The following SNAPC5 variants were observed in gnomAD, a reference collection of about 807,000 sequenced individuals.
SNAPC5 encodes the protein snRNA-activating protein complex subunit 5.
A neutral mutation model predicts 9.1 loss-of-function variants in SNAPC5; 12 were observed. That is an observed-to-expected ratio of 1.32 (90% CI 0.85 to 2.15). The LOEUF is 2.15. Ranked by LOEUF, SNAPC5 falls within the 30% of genes most tolerant of loss-of-function variation. SNAPC5 has a pLI of 0.00. For missense variants in SNAPC5, 132 were observed against 114.4 expected, an observed-to-expected ratio of 1.15 and a Z score of -0.70; for synonymous variants, 52 against 47.3, an observed-to-expected ratio of 1.10 and a Z score of -0.41.
downstream of SNAPC5, among the ~76,000 whole-genome samples, chr15:66,492,624 T>G (rs563153543): frequency 1.3e-5 from 2 of 152,192 alleles, no homozygotes; most frequent in South Asian, 4.1e-4. Context: ...AGAAATGTTA[T>G]AACCTGGTAT....
At chr15:66,492,949 T>C (rs1893304955), downstream of SNAPC5, among the ~76,000 whole-genome samples, 1 of 152,172 alleles carries the variant, frequency 6.6e-6, no homozygotes, top group South Asian at 2.1e-4. Context: ...AGTCAAGTTT[T>C]CCAGCTTTTA....
downstream of SNAPC5, chr15:66,490,459 T>G (rs755610917): frequency 8.4e-6 from 12 of 1,431,604 alleles, no homozygotes; most frequent in Non-Finnish European, 1.2e-5. Context: ...TTTGTTTTTT[T>G]GTTTCTTTTT....
At chr15:66,490,413 A>G (rs772326433), downstream of SNAPC5, 2 of 954,216 alleles carry the variant, frequency 2.1e-6, no homozygotes, top group Non-Finnish European at 1.7e-6. Flanking sequence ...CACAAGCTCT[A>G]GACCTGAAAC....
At chr15:66,490,538 G>A, downstream of SNAPC5, 1 of 1,614,206 alleles carries the variant, frequency 6.2e-7, no homozygotes. Flanking sequence ...TGCTGAGGAA[G>A]TGGATTTTGC....
chr15:66,492,201 G>T, downstream of SNAPC5: 1 of 369,316 alleles, frequency 2.7e-6, no homozygotes, highest in Non-Finnish European at 5.4e-6. Context: ...TACATTTGAG[G>T]CTGCTGGTCA....
At chr15:66,492,644 A>G (rs1172898966), downstream of SNAPC5, among the ~76,000 whole-genome samples, 3 of 152,156 alleles carry the variant, frequency 2.0e-5, no homozygotes, top group Non-Finnish European at 2.9e-5. Flanking sequence ...TCTAAAACCT[A>G]GATCTGACCA....
At chr15:66,493,137 T>C (rs1893311402), downstream of SNAPC5, among the ~76,000 whole-genome samples, 1 of 152,202 alleles carries the variant, frequency 6.6e-6, no homozygotes, top group Non-Finnish European at 1.5e-5. Context: ...AAAAAAAGTA[T>C]TCTTTGTTTT....
Position 66,494,352 on chromosome 15 carries a change from G to A in SNAPC5, c.*84C>T, listed in dbSNP as rs1011838951. On this transcript the variant is annotated 3_prime_UTR_variant, in exon 3 of 3. Transcript: ENST00000316634. ...CTTTCAAGCAGATCACAGGGCCCAGGGCAAGATGATTTCCTTGAGGAGAAG... is the reference window on the plus strand; with the variant it reads ...CTTTCAAGCAGATCACAGGGCCCAGAGCAAGATGATTTCCTTGAGGAGAAG... The A allele has an allele frequency of 2.5e-5, 23 of 930,784 alleles. No homozygotes were observed. The highest frequency in any genetic ancestry group is 5.4e-5 in the Admixed American group (3 of 55,764). 57.7% of individuals were successfully genotyped at this position (930,784 alleles called of 1,614,324 possible).
Position 66,494,087 on chromosome 15 carries a change from A to T in SNAPC5, c.*349T>A, listed in dbSNP as rs189660689. On this transcript the variant is annotated 3_prime_UTR_variant, in exon 3 of 3. Transcript: ENST00000316634. ...CAAAGAGGCATTGTTGACTGGAAAG[A>T]CTGGCTTGTATTTAAACTCTGCTCT... The T allele has an allele frequency of 4.6e-4, 96 of 210,816 alleles. No individual in the cohort carries two copies. The highest frequency in any genetic ancestry group is 1.9e-3 in the African/African-American group (80 of 42,922). 13.1% of individuals were successfully genotyped at this position (210,816 alleles called of 1,614,324 possible).
At chr15:66,490,525 T>C (rs1401203201), downstream of SNAPC5, 1 of 1,614,022 alleles carries the variant, frequency 6.2e-7, no homozygotes, top group Non-Finnish European at 8.5e-7. Flanking sequence ...TCAAGAGATC[T>C]GATGCTGAGG....
At chr15:66,496,186 CCGAG>C (rs1293334706) in intron 1 of SNAPC5, among the ~76,000 whole-genome samples, 1 of 152,148 alleles carries the variant, frequency 6.6e-6, no homozygotes, top group Admixed American at 6.5e-5. Context: ...TGAAAAAGGG[CCGAG>C]CCCAGTGGCT....
At chr15:66,491,181 A>T (rs963208023), downstream of SNAPC5, 3 of 269,072 alleles carry the variant, frequency 1.1e-5, no homozygotes, top group East Asian at 1.6e-4. Context: ...ATCTAGCCAG[A>T]GCCCTTCACT....
chr15:66,491,555 TG>T, downstream of SNAPC5: 1 of 186,040 alleles, frequency 5.4e-6, no homozygotes, highest in Non-Finnish European at 1.1e-5. Context: ...CTTTTGCTTT[TG>T]TGGTAAGCTT....
chr15:66,490,571 G>C, downstream of SNAPC5: 1 of 1,614,116 alleles, frequency 6.2e-7, no homozygotes, highest in Non-Finnish European at 8.5e-7. Context: ...CTCCACCATC[G>C]GCCTTAACCA....
At chr15:66,491,884 T>G (rs1207063863), downstream of SNAPC5, 1 of 444,920 alleles carries the variant, frequency 2.2e-6, no homozygotes, top group East Asian at 7.0e-5. Flanking sequence ...GACAAAACAT[T>G]TCTTATCTCA....
At chr15:66,494,916 G>GT in intron 2 of SNAPC5, 2 of 308,472 alleles carry the variant, frequency 6.5e-6, no homozygotes, top group South Asian at 8.7e-5. Context: ...AGGGCATTTG[G>GT]TAAGAGATGA....
Position 66,494,239 on chromosome 15 carries a change from A to G in SNAPC5, c.*197T>C, listed in dbSNP as rs985158762. ...TCAATGCTAAGACACAGCATCTTTGATTTTCTGTATGTCATAACATTCTGA... is the reference window on the plus strand; with the variant it reads ...TCAATGCTAAGACACAGCATCTTTGGTTTTCTGTATGTCATAACATTCTGA... On this transcript the variant is annotated 3_prime_UTR_variant, in exon 3 of 3. Coordinates refer to ENST00000316634, the MANE Select transcript of SNAPC5 (RefSeq NM_001329615.2). 1.6e-6 allele frequency: 1 copy of G among 613,002 alleles called. No individual in the cohort carries two copies. The highest frequency in any genetic ancestry group is 2.9e-6 in the Non-Finnish European group (1 of 339,850). 38.0% of individuals were successfully genotyped at this position (613,002 alleles called of 1,614,324 possible). A position where few individuals can be genotyped will look rare whatever the true frequency, so the allele number is the denominator to read the frequency against.
At chr15:66,494,686 C>CT in intron 2 of SNAPC5, 134 bp from the exon 3 acceptor site, 2 of 624,320 alleles carry the variant, frequency 3.2e-6, no homozygotes. Context: ...GGTATGGCCA[C>CT]TTTCCTTTTA....
At chr15:66,496,461 G>A (rs1328665417) in intron 1 of SNAPC5, among the ~76,000 whole-genome samples, 1 of 144,958 alleles carries the variant, frequency 6.9e-6, no homozygotes, top group Admixed American at 6.9e-5. Flanking sequence ...GCGAAACTCT[G>A]TCTCAAAAAA....
Sources: gnomAD v4.1 joint callset for allele counts (sites outside exome capture counted in the v4.1 genomes callset) on GRCh38, gnomAD v4.1.1 for gene constraint, MANE v1.5 for transcripts, NCBI Gene and HGNC (gene_info 2026-07-23, HGNC 2026-07-21) for gene names.